EHMT1: variants seen among roughly 807,000 people sequenced by gnomAD.
The protein encoded by EHMT1 is histone-lysine N-methyltransferase EHMT1.
A neutral mutation model predicts 147.2 loss-of-function variants in EHMT1; 15 were observed. The observed-to-expected ratio is 0.10, with a 90% CI of 0.07 to 0.16. The LOEUF (loss-of-function observed/expected upper bound fraction) is 0.16, where lower values mean the gene tolerates loss of function less well. Among genes scored for constraint, EHMT1 ranks in the 10% least tolerant of loss-of-function variants. The pLI is 1.00. For synonymous variants in EHMT1, 795 were observed against 709.6 expected (o/e 1.12, Z -1.91); for missense variants, 1,587 against 1,772.4 (o/e 0.90, Z 1.88).
intron 1 of EHMT1, among the ~76,000 whole-genome samples, chr9:137,696,926 T>C (rs1943440622): frequency 6.6e-6 from 1 of 152,194 alleles, no homozygotes; most frequent in Non-Finnish European, 1.5e-5. Context: ...AGTTGTGCCT[T>C]CTGGTACTTC....
At chr9:137,662,802 TTATTTA>T (rs1366744442) in intron 1 of EHMT1, among the ~76,000 whole-genome samples, 22 of 145,058 alleles carry the variant, frequency 1.5e-4, no homozygotes, top group African/African-American at 5.0e-4. Context: ...ATTTATTTAT[TTATTTA>T]TTTTTGACAG....
chr9:137,743,271 G>A, intron 4 of EHMT1, 100 bp from the exon 5 acceptor site: 1 of 1,458,788 alleles, frequency 6.9e-7, no homozygotes, highest in Middle Eastern at 2.2e-4. Flanking sequence ...TGGTGATTTT[G>A]GTGATCAAGT....
At chr9:137,656,255 G>A (rs1002608719) in intron 1 of EHMT1, among the ~76,000 whole-genome samples, 5 of 152,014 alleles carry the variant, frequency 3.3e-5, no homozygotes, top group African/African-American at 4.8e-5. Flanking sequence ...CAGCGTGCGC[G>A]TGTAATCCCA....
intron 1 of EHMT1, among the ~76,000 whole-genome samples, chr9:137,624,662 A>G (rs1433019005): frequency 6.6e-6 from 1 of 151,826 alleles, no homozygotes; most frequent in South Asian, 2.1e-4. Flanking sequence ...GGGTTTTACC[A>G]TGTTGGCCAG....
intron 25 of EHMT1, among the ~76,000 whole-genome samples, chr9:137,830,997 T>C (rs1257269816): frequency 6.6e-6 from 1 of 152,198 alleles, no homozygotes; most frequent in East Asian, 1.9e-4. Flanking sequence ...AAGGTGTTAG[T>C]AGATCTGGTG....
chr9:137,796,539 C>T (rs540870190), intron 16 of EHMT1, among the ~76,000 whole-genome samples: 134 of 151,686 alleles, frequency 8.8e-4, no homozygotes, highest in African/African-American at 3.0e-3. Context: ...CCCGTCTCTA[C>T]TAAAAATACA....
chr9:137,728,141 G>A (rs576626806), intron 3 of EHMT1, among the ~76,000 whole-genome samples: 1 of 152,188 alleles, frequency 6.6e-6, no homozygotes, highest in Non-Finnish European at 1.5e-5. Context: ...ATGGTTTGTA[G>A]ATGCTGACCT....
At chr9:137,783,243 C>G (rs975154947) in intron 15 of EHMT1, among the ~76,000 whole-genome samples, 1 of 152,230 alleles carries the variant, frequency 6.6e-6, no homozygotes, top group Non-Finnish European at 1.5e-5. Context: ...TGTCTCAGCT[C>G]TGTCCTGGGA....
intron 1 of EHMT1, among the ~76,000 whole-genome samples, chr9:137,661,121 A>C (rs1939030940): frequency 6.6e-6 from 1 of 152,188 alleles, no homozygotes; most frequent in Non-Finnish European, 1.5e-5. Context: ...TTAGTTTGAA[A>C]TAATTTTAGA....
chr9:137,768,830 G>A (rs937707360), intron 10 of EHMT1, among the ~76,000 whole-genome samples: 9 of 151,510 alleles, frequency 5.9e-5, no homozygotes, highest in South Asian at 2.1e-4. Flanking sequence ...GATTACAGGC[G>A]TGAGCCACCG....
intron 1 of EHMT1, among the ~76,000 whole-genome samples, chr9:137,664,193 C>T (rs1338367887): frequency 3.3e-5 from 5 of 152,024 alleles, no homozygotes; most frequent in African/African-American, 1.2e-4. Flanking sequence ...GTGCATGCCA[C>T]TGAGCCTGGT....
chr9:137,669,422 GC>G (rs1564562834), intron 1 of EHMT1, among the ~76,000 whole-genome samples: 121 of 5,406 alleles, frequency 0.022, no homozygotes, highest in African/African-American at 0.066. Flanking sequence ...CTCCACGACT[GC>G]ACCCAAGACG....
chr9:137,812,205 G>A (rs367894574), intron 19 of EHMT1, among the ~76,000 whole-genome samples: 16 of 152,226 alleles, frequency 1.1e-4, no homozygotes, highest in African/African-American at 3.9e-4. Context: ...GGCCATGGTG[G>A]CATGTGCCTG....
At chr9:137,746,869 T>C (rs1230406349) in intron 6 of EHMT1, 2 of 152,244 alleles carry the variant, frequency 1.3e-5, no homozygotes, top group Admixed American at 6.5e-5. Context: ...CTAGAGGAAC[T>C]GGACACTGAA....
At chr9:137,768,312 A>G (rs758598452) in intron 10 of EHMT1, among the ~76,000 whole-genome samples, 94 of 144,926 alleles carry the variant, frequency 6.5e-4, no homozygotes, top group Non-Finnish European at 8.9e-4. Context: ...TTCCACTTAT[A>G]CCATCTGTTT....
chr9:137,715,770 C>T (rs1224272460), intron 2 of EHMT1: 4 of 985,238 alleles, frequency 4.1e-6, no homozygotes, highest in Admixed American at 1.2e-4. Flanking sequence ...AAGTATAAGC[C>T]CTTTTTCTGA....
At chr9:137,718,020 G>A (rs1357214879) in intron 3 of EHMT1, among the ~76,000 whole-genome samples, 4 of 144,996 alleles carry the variant, frequency 2.8e-5, no homozygotes, top group Admixed American at 1.4e-4. Flanking sequence ...CCCACCCCTC[G>A]CATGCACCAT....
chr9:137,711,125 CT>C (rs1944673718), intron 2 of EHMT1, 95 bp downstream of exon 2: 2 of 1,323,172 alleles, frequency 1.5e-6, no homozygotes, highest in South Asian at 2.7e-5. Flanking sequence ...CGTCTTCTGA[CT>C]TTCTTTGCTT....
intron 15 of EHMT1, chr9:137,784,661 A>G (rs970240434): frequency 6.3e-6 from 1 of 158,440 alleles, no homozygotes; most frequent in South Asian, 2.0e-4. Flanking sequence ...TGAGATGATG[A>G]TGGGGGAGCC....
Sources: allele counts gnomAD v4.1 joint callset (sites outside exome capture counted in the v4.1 genomes callset), GRCh38; gene constraint gnomAD v4.1.1; transcripts MANE v1.5; gene names NCBI Gene and HGNC (gene_info 2026-07-23, HGNC 2026-07-21).